The following SF3B3 variants were observed in gnomAD, a reference collection of about 807,000 sequenced individuals.
SF3B3 encodes the protein splicing factor 3b subunit 3.
Under a neutral mutation model 139.2 loss-of-function variants are expected in SF3B3, and 33 were observed. The observed-to-expected ratio is 0.24, with a 90% CI of 0.18 to 0.32. The LOEUF (loss-of-function observed/expected upper bound fraction) is 0.32. SF3B3 is among the 10% of genes least tolerant of loss of function. The pLI is 1.00. For missense variants in SF3B3, 818 were observed against 1,509.4 expected (o/e 0.54, Z 7.59); for synonymous variants, 596 against 563.6 (o/e 1.06, Z -0.81).
At chr16:70,545,288 A>C (rs2050257813) in intron 10 of SF3B3, among the ~76,000 whole-genome samples, 1 of 151,854 alleles carries the variant, frequency 6.6e-6, no homozygotes, top group Non-Finnish European at 1.5e-5. Context: ...GCTGGTCTTG[A>C]CCTCCTGGGG....
chr16:70,526,782 C>CT, intron 2 of SF3B3, 56 bp downstream of exon 2: 1 of 1,186,302 alleles, frequency 8.4e-7, no homozygotes, highest in East Asian at 2.3e-5. Context: ...ACATATCTTG[C>CT]TTAGTCTCTT....
chr16:70,565,879 G>A (rs2050470814), intron 20 of SF3B3, among the ~76,000 whole-genome samples: 1 of 152,194 alleles, frequency 6.6e-6, no homozygotes, highest in South Asian at 2.1e-4. Context: ...CACTTTGGGA[G>A]GCCGAGGCAG....
intron 1 of SF3B3, among the ~76,000 whole-genome samples, chr16:70,525,500 T>A (rs1352291497): frequency 4.3e-5 from 6 of 138,508 alleles, no homozygotes; most frequent in African/African-American, 1.5e-4. Context: ...AAGTAGACTG[T>A]TTTGATCAGC....
intron 20 of SF3B3, 42 bp from the exon 21 acceptor site, chr16:70,567,369 C>A: frequency 6.3e-7 from 1 of 1,584,604 alleles, no homozygotes; most frequent in East Asian, 2.3e-5. Context: ...CTGTGTCTGG[C>A]TGGCATTTAT....
Position 70,526,707 on chromosome 16 carries a change from C to G in SF3B3, c.51C>G (p.Ala17=). ...AGAGAGCCACTGGCATCAGCTTTGC[C>G]ATTCATGGAAACTTTTCTGGTAAGT... The part of the protein sequence containing the change: ...TLQRATGISF[A]IHGNFSGTKQ... Residue 17 remains alanine, a synonymous_variant, in exon 2 of 26, where the codon GCC becomes GCG. Coordinates refer to ENST00000302516, the MANE Select transcript of SF3B3 (RefSeq NM_012426.5). The G allele has an allele frequency of 1.2e-6, 2 of 1,613,796 alleles. No homozygotes were observed. Among genetic ancestry groups the G allele is most frequent in the Non-Finnish European group, 8.5e-7 (1 of 1,179,704 alleles).
chr16:70,571,292 C>T (rs760164002), intron 25 of SF3B3, 93 bp downstream of exon 25: 1 of 923,236 alleles, frequency 1.1e-6, no homozygotes, highest in Non-Finnish European at 1.7e-6. Context: ...GAGGGTGCTC[C>T]CCTCAGGGCA....
At chr16:70,528,414 C>T (rs1250574918) in intron 2 of SF3B3, among the ~76,000 whole-genome samples, 9 of 149,482 alleles carry the variant, frequency 6.0e-5, no homozygotes, top group Admixed American at 2.7e-4. Flanking sequence ...ATCTGCCTGC[C>T]TCAGCCTCCC....
At chr16:70,557,820 T>C (rs2050392284) in intron 15 of SF3B3, among the ~76,000 whole-genome samples, 1 of 152,230 alleles carries the variant, frequency 6.6e-6, no homozygotes, top group Non-Finnish European at 1.5e-5. Flanking sequence ...ATCTATCATT[T>C]CATCTATAAA....
At chr16:70,569,198 C>G in intron 23 of SF3B3, 57 bp downstream of exon 23, 1 of 1,246,468 alleles carries the variant, frequency 8.0e-7, no homozygotes, top group Non-Finnish European at 1.1e-6. Context: ...TCCTGTTGCC[C>G]TCACTGAAGA....
intron 10 of SF3B3, among the ~76,000 whole-genome samples, chr16:70,544,801 C>G (rs2050252779): frequency 6.6e-6 from 1 of 152,104 alleles, no homozygotes; most frequent in African/African-American, 2.4e-5. Context: ...AGTGATTATT[C>G]TGCCTCAGCC....
chr16:70,529,290 T>C (rs558986769), intron 3 of SF3B3, 91 bp downstream of exon 3: 7 of 1,061,482 alleles, frequency 6.6e-6, no homozygotes, highest in East Asian at 2.4e-5. Context: ...TAATTACTTA[T>C]GTGGGTTTGG....
At chr16:70,552,664 C>G (rs950586668) in intron 11 of SF3B3, among the ~76,000 whole-genome samples, 4 of 152,204 alleles carry the variant, frequency 2.6e-5, no homozygotes, top group Non-Finnish European at 4.4e-5. Context: ...GATTCCTGGT[C>G]TAACCATTAG....
At chr16:70,555,926 A>T (rs2050376416) in intron 13 of SF3B3, among the ~76,000 whole-genome samples, 1 of 152,158 alleles carries the variant, frequency 6.6e-6, no homozygotes. Flanking sequence ...TGGCACATTG[A>T]CCTTGTCAAA....
At chr16:70,532,357 CAAA>C (rs10524385) in intron 4 of SF3B3, 119 bp from the exon 5 acceptor site, 2 of 522,642 alleles carry the variant, frequency 3.8e-6, no homozygotes, top group East Asian at 4.0e-5. Context: ...CCTGTCTCTC[CAAA>C]AAAAAAAGAA....
intron 24 of SF3B3, among the ~76,000 whole-genome samples, 177 bp downstream of exon 24, chr16:70,570,326 C>A (rs1337386932): frequency 2.2e-5 from 3 of 137,612 alleles, no homozygotes; most frequent in Admixed American, 7.6e-5. Flanking sequence ...CCAGGGAAGG[C>A]CATTTGGTTT....
Position 70,571,178 on chromosome 16 carries a change from C to T in SF3B3, c.3492C>T (p.Arg1164=), listed in dbSNP as rs770105298. 6.8e-6 allele frequency: 11 copies of T among 1,612,544 alleles called. No individual in the cohort carries two copies. In the East Asian group the frequency reaches 2.0e-4, roughly 29 times the overall value. The change falls in exon 25 of 26, where the codon CGC becomes CGT. Residue 1164 remains arginine (R), a synonymous_variant. Coordinates refer to ENST00000302516, the MANE Select transcript of SF3B3 (RefSeq NM_012426.5). ...GTGGGCGGGACCACCTCAGCTTTCGCTCCTACTACTTCCCTGTGAAGGTAG... is the reference window on the plus strand; with the variant it reads ...GTGGGCGGGACCACCTCAGCTTTCGTTCCTACTACTTCCCTGTGAAGGTAG... ...PLCGRDHLSF[R]SYYFPVKNVI...
chr16:70,526,972 G>A (rs1056387746), intron 2 of SF3B3: 3 of 564,570 alleles, frequency 5.3e-6, no homozygotes, highest in Non-Finnish European at 6.3e-6. Flanking sequence ...TGCTTACCTA[G>A]TGCCAAGTCG....
At chr16:70,556,071 A>G in intron 13 of SF3B3, 108 bp from the exon 14 acceptor site, 1 of 1,132,812 alleles carries the variant, frequency 8.8e-7, no homozygotes, top group Admixed American at 2.0e-5. Context: ...AGCAGAACAA[A>G]ATACAACAGC....
At chr16:70,565,564 AT>A in intron 20 of SF3B3, 40 bp downstream of exon 20, 8 of 1,575,888 alleles carry the variant, frequency 5.1e-6, no homozygotes, top group Non-Finnish European at 6.1e-6. Flanking sequence ...TTTAAGTCCC[AT>A]TGAATTCTCT....
Sources: allele counts gnomAD v4.1 joint callset (sites outside exome capture counted in the v4.1 genomes callset), GRCh38; gene constraint gnomAD v4.1.1; transcripts MANE v1.5; gene names NCBI Gene and HGNC (gene_info 2026-07-23, HGNC 2026-07-21).